Variants in EFR3A observed in about 807,000 individuals in gnomAD.
EFR3A encodes EFR3 homolog A.
Under a neutral mutation model 104.4 loss-of-function variants are expected in EFR3A, and 76 were observed. That is an observed-to-expected ratio of 0.73 (90% CI 0.60 to 0.88). The LOEUF is 0.88. EFR3A is among the 40% of genes least tolerant of loss of function. The pLI, the probability that EFR3A is intolerant of heterozygous loss-of-function variation, is 0.00. For missense variants in EFR3A, 985 were observed against 1,012.5 expected, an observed-to-expected ratio of 0.97 and a Z score of 0.37; for synonymous variants, 330 against 330.0, an observed-to-expected ratio of 1.00 and a Z score of 0.00.
At chr8:131,918,532 A>G (rs375590269) in intron 1 of EFR3A, among the ~76,000 whole-genome samples, 39 of 152,330 alleles carry the variant, frequency 2.6e-4, no homozygotes, top group East Asian at 1.9e-3. Flanking sequence ...ATATGTTGCT[A>G]TCTTCAAATG....
Position 132,010,781 on chromosome 8 carries a change from C to T in EFR3A, c.2361-9C>T, listed in dbSNP as rs374037602. ...CACCTGCTGACAATGTATTTTTGTT[C>T]TTTTATAGTCCTCCTCCCAGTCCAT... On this transcript the variant is annotated splice_polypyrimidine_tract_variant and intron_variant, in intron 22 of 22. Coordinates refer to ENST00000254624, the MANE Select transcript of EFR3A (RefSeq NM_015137.6). 1 of 1,610,800 alleles carries T rather than the reference C, an allele frequency of 6.2e-7. No homozygotes were observed.
At position 131,904,279 on chromosome 8, in the gene EFR3A, C is replaced by A. The variant is rs1347680420; in HGVS notation, c.-34C>A. On this transcript the variant is annotated 5_prime_UTR_variant, in exon 1 of 23. Transcript: ENST00000254624. ...GCGCTCCCTGCGCGGCCCCGCTGAG[C>A]CTCGGTGCGGCGGCGAGCGCGGTCG... 4 of 1,280,564 alleles carry A rather than the reference C, an allele frequency of 3.1e-6. No homozygotes were observed. Among genetic ancestry groups the A allele is most frequent in the Non-Finnish European group, 4.0e-6 (4 of 1,011,682 alleles). The allele number at this position is 1,280,564 out of a possible 1,614,324, so 79.3% of individuals were successfully genotyped here. A position where few individuals can be genotyped will look rare whatever the true frequency, so the allele number is the denominator to read the frequency against.
intron 1 of EFR3A, among the ~76,000 whole-genome samples, chr8:131,907,321 G>C (rs1391733242): frequency 6.6e-6 from 1 of 152,192 alleles, no homozygotes; most frequent in East Asian, 1.9e-4. Flanking sequence ...AACTCCTTAT[G>C]TGAAAATGGC....
intron 1 of EFR3A, among the ~76,000 whole-genome samples, chr8:131,939,254 A>G (rs1818050760): frequency 6.6e-6 from 1 of 152,092 alleles, no homozygotes; most frequent in Admixed American, 6.6e-5. Flanking sequence ...GTGTAGTAAG[A>G]CAAAGTAACG....
chr8:131,986,690 C>T (rs911136098), intron 17 of EFR3A, among the ~76,000 whole-genome samples: 4 of 150,658 alleles, frequency 2.7e-5, no homozygotes, highest in Non-Finnish European at 4.4e-5. Flanking sequence ...GAGGCTGAGG[C>T]TGGAGAATCG....
At chr8:132,010,406 A>ATATATATC in intron 22 of EFR3A, among the ~76,000 whole-genome samples, 1 of 39,098 alleles carries the variant, frequency 2.6e-5, no homozygotes, top group African/African-American at 1.1e-4. Context: ...ATCAAGTATG[A>ATATATATC]GATATATATA....
intron 1 of EFR3A, among the ~76,000 whole-genome samples, chr8:131,912,715 A>C (rs1477733581): frequency 6.6e-6 from 1 of 152,188 alleles, no homozygotes; most frequent in East Asian, 1.9e-4. Context: ...CAACATTTTT[A>C]TAATTCAACA....
chr8:131,959,240 C>G (rs1464400347), intron 7 of EFR3A, among the ~76,000 whole-genome samples: 2 of 152,044 alleles, frequency 1.3e-5, no homozygotes, highest in African/African-American at 4.8e-5. Flanking sequence ...TGTTTTCCAG[C>G]CTTGTATTTG....
chr8:131,912,767 G>T (rs1016775826), intron 1 of EFR3A, among the ~76,000 whole-genome samples: 1 of 152,050 alleles, frequency 6.6e-6, no homozygotes, highest in African/African-American at 2.4e-5. Context: ...ACCTTGAAAT[G>T]ACATGTTAAA....
At chr8:132,006,609 A>G (rs903505303) in intron 22 of EFR3A, among the ~76,000 whole-genome samples, 12 of 152,116 alleles carry the variant, frequency 7.9e-5, no homozygotes, top group Non-Finnish European at 8.8e-5. Context: ...TAGGTAAGAA[A>G]TAATACCAGT....
intron 1 of EFR3A, among the ~76,000 whole-genome samples, chr8:131,914,633 C>G (rs926435066): frequency 6.6e-6 from 1 of 152,016 alleles, no homozygotes; most frequent in African/African-American, 2.4e-5. Context: ...GCTGGAGCAG[C>G]TCTGTTTTTT....
chr8:131,911,034 C>T (rs954149683), intron 1 of EFR3A, among the ~76,000 whole-genome samples: 26 of 151,320 alleles, frequency 1.7e-4, no homozygotes, highest in Non-Finnish European at 3.7e-4. Flanking sequence ...GCTAAATTAA[C>T]CCTTTTGAGA....
intron 2 of EFR3A, among the ~76,000 whole-genome samples, chr8:131,941,064 T>C (rs1436457788): frequency 6.6e-6 from 1 of 151,946 alleles, no homozygotes; most frequent in Non-Finnish European, 1.5e-5. Context: ...CCAATTTGGG[T>C]TGAGGAGAAG....
chr8:131,972,501 A>G (rs1254891534), intron 10 of EFR3A, among the ~76,000 whole-genome samples: 1 of 151,902 alleles, frequency 6.6e-6, no homozygotes, highest in Non-Finnish European at 1.5e-5. Context: ...ACAAACAGTG[A>G]AGAGCTTCCT....
intron 7 of EFR3A, among the ~76,000 whole-genome samples, chr8:131,956,303 C>G (rs1429780447): frequency 6.6e-6 from 1 of 152,100 alleles, no homozygotes; most frequent in Non-Finnish European, 1.5e-5. Context: ...TTTGCCATGG[C>G]TGGGCTGCCT....
chr8:131,938,234 T>TACAAC (rs1818004801), intron 1 of EFR3A: 6 of 397,848 alleles, frequency 1.5e-5, no homozygotes, highest in Non-Finnish European at 2.7e-5. Flanking sequence ...CATGAAGGAC[T>TACAAC]ATGTTCAGGT....
intron 1 of EFR3A, among the ~76,000 whole-genome samples, chr8:131,934,921 G>A (rs548281914): frequency 1.3e-5 from 2 of 152,226 alleles, no homozygotes; most frequent in East Asian, 3.9e-4. Flanking sequence ...TAAATGTCTT[G>A]TTCTGACATC....
chr8:131,905,401 A>G (rs1228131847), intron 1 of EFR3A, among the ~76,000 whole-genome samples: 1 of 152,166 alleles, frequency 6.6e-6, no homozygotes, highest in East Asian at 1.9e-4. Flanking sequence ...ATAAAGATTG[A>G]TATTTTCCTG....
chr8:131,923,024 A>G (rs1364611492), intron 1 of EFR3A, among the ~76,000 whole-genome samples: 2 of 152,168 alleles, frequency 1.3e-5, no homozygotes, highest in African/African-American at 2.4e-5. Context: ...AATGAATGGT[A>G]TGAGCACATG....
Sources: allele counts gnomAD v4.1 joint callset (sites outside exome capture counted in the v4.1 genomes callset), GRCh38; gene constraint gnomAD v4.1.1; transcripts MANE v1.5; gene names NCBI Gene and HGNC (gene_info 2026-07-23, HGNC 2026-07-21).